Variants in SAMD5 observed in about 807,000 individuals in gnomAD.
SAMD5 encodes sterile alpha motif domain containing 5.
In SAMD5, 13 loss-of-function variants were observed where a neutral mutation model predicts 11.3. That is an observed-to-expected ratio of 1.15 (90% CI 0.75 to 1.83). SAMD5 has a LOEUF of 1.83. SAMD5 is among the 40% of genes most tolerant of loss of function. The probability of loss-of-function intolerance (pLI) is 0.00; values close to 1 mark genes in which losing one functional copy is unlikely to be tolerated. For missense variants in SAMD5, 255 were observed against 239.1 expected, an observed-to-expected ratio of 1.07 and a Z score of -0.44; for synonymous variants, 129 against 111.3, an observed-to-expected ratio of 1.16 and a Z score of -1.00.
At chr6:147,772,706 CTCT>C in the SAMD5 span, among the ~76,000 whole-genome samples, 1 of 152,158 alleles carries the variant, frequency 6.6e-6, no homozygotes, top group African/African-American at 2.4e-5. Context: ...TCCAAATTTT[CTCT>C]TCTTACATGG....
At chr6:147,547,533 C>G (rs578216154) in intron 1 of SAMD5, among the ~76,000 whole-genome samples, 2 of 152,342 alleles carry the variant, frequency 1.3e-5, no homozygotes, top group East Asian at 3.9e-4. Flanking sequence ...CTTCCATCTT[C>G]AAACCAGCAA....
chr6:147,904,115 C>G, the SAMD5 span, among the ~76,000 whole-genome samples: 2 of 152,162 alleles, frequency 1.3e-5, no homozygotes, highest in South Asian at 4.1e-4. Flanking sequence ...CTGTCTCATT[C>G]CTGTGGTTCA....
rs138368657 is a variant in SAMD5, at chr6:147,711,674, A to C, written c.163-25643A>C. Among the ~76,000 whole-genome samples the C allele has an allele frequency of 4.7e-3, 711 of 152,316 alleles. 3 individuals are homozygous for C. The highest frequency in any genetic ancestry group is 0.017 in the African/African-American group (687 of 41,578). Reference sequence around the variant, plus strand: ...GTGGTTTGCATTCTTCAAAGGGGTCATTGCTGAATTTGTAATCAGATTGTA... The same window carrying C: ...GTGGTTTGCATTCTTCAAAGGGGTCCTTGCTGAATTTGTAATCAGATTGTA... On this transcript the variant is annotated intron_variant, in intron 1 of 1. Coordinates refer to the SAMD5 transcript ENST00000566741. This position sits in a 1 kb window ranked among gnomAD's most constrained non-coding sequence, Gnocchi z 4.1.
the SAMD5 span, among the ~76,000 whole-genome samples, chr6:147,751,511 G>T: frequency 6.6e-6 from 1 of 152,110 alleles, no homozygotes; most frequent in Non-Finnish European, 1.5e-5. Flanking sequence ...TTTACAACAG[G>T]GATCCAAAAG....
At chr6:147,606,824 G>A (rs73582966) in intron 1 of SAMD5, among the ~76,000 whole-genome samples, 2,341 of 152,128 alleles carry the variant, frequency 0.015, 65 homozygotes, top group African/African-American at 0.052. Flanking sequence ...CTTTTCACAA[G>A]GTCACACATT....
chr6:147,872,645 G>A, the SAMD5 span, among the ~76,000 whole-genome samples: 1 of 152,148 alleles, frequency 6.6e-6, no homozygotes, highest in South Asian at 2.1e-4. Flanking sequence ...AGTGGAGTAT[G>A]GAATGAGTAT....
At chr6:147,620,107 TC>T (rs1789937300) in intron 1 of SAMD5, among the ~76,000 whole-genome samples, 1 of 152,146 alleles carries the variant, frequency 6.6e-6, no homozygotes, top group Non-Finnish European at 1.5e-5. Flanking sequence ...ATGACACTGT[TC>T]TTGGCATCAC....
chr6:147,626,686 G>T (rs1272663775), intron 1 of SAMD5, among the ~76,000 whole-genome samples: 1 of 148,964 alleles, frequency 6.7e-6, no homozygotes, highest in Non-Finnish European at 1.5e-5. Context: ...AATTGTGGTG[G>T]CTCTTCTCTG....
At chr6:147,742,597 G>A in the SAMD5 span, among the ~76,000 whole-genome samples, 1 of 152,148 alleles carries the variant, frequency 6.6e-6, no homozygotes, top group Admixed American at 6.5e-5. Flanking sequence ...ATCTGAGAAA[G>A]CATTAGGTAG....
intron 1 of SAMD5, among the ~76,000 whole-genome samples, chr6:147,693,371 C>T (rs538263384): frequency 6.6e-5 from 10 of 152,270 alleles, no homozygotes; most frequent in East Asian, 1.9e-4. Flanking sequence ...GCTGTCAGGA[C>T]GCTGACAGGG....
At chr6:147,827,794 A>ATT in the SAMD5 span, among the ~76,000 whole-genome samples, 235 of 146,260 alleles carry the variant, frequency 1.6e-3, 1 homozygote, top group African/African-American at 5.1e-3. Flanking sequence ...CTAACATGAC[A>ATT]TTTTTTTTTT....
chr6:147,747,726 C>G, the SAMD5 span, among the ~76,000 whole-genome samples: 3 of 152,090 alleles, frequency 2.0e-5, no homozygotes, highest in African/African-American at 7.2e-5. Flanking sequence ...GTTCCCTAGG[C>G]CGATAAACCT....
At chr6:147,757,310 A>G in the SAMD5 span, among the ~76,000 whole-genome samples, 11 of 152,144 alleles carry the variant, frequency 7.2e-5, no homozygotes, top group Non-Finnish European at 1.0e-4. Flanking sequence ...TTTGCTGCCA[A>G]TGGCTGCAAG....
intron 1 of SAMD5, among the ~76,000 whole-genome samples, chr6:147,595,252 A>C (rs1009934443): frequency 2.0e-5 from 3 of 152,240 alleles, no homozygotes; most frequent in Admixed American, 6.5e-5. Flanking sequence ...AATGACAATA[A>C]TAAGCATTGC....
the SAMD5 span, among the ~76,000 whole-genome samples, chr6:147,776,537 C>T: frequency 6.6e-6 from 1 of 152,190 alleles, no homozygotes; most frequent in Non-Finnish European, 1.5e-5. Context: ...AAATGTGTTT[C>T]TCTCTTCACA....
chr6:147,605,077 T>C (rs918162413), intron 1 of SAMD5, among the ~76,000 whole-genome samples: 8 of 152,210 alleles, frequency 5.3e-5, no homozygotes, highest in African/African-American at 1.9e-4. Flanking sequence ...CTTTCAGTAC[T>C]AGTTCAATGT....
At chr6:147,913,842 T>C in the SAMD5 span, among the ~76,000 whole-genome samples, 2 of 152,244 alleles carry the variant, frequency 1.3e-5, no homozygotes, top group East Asian at 3.9e-4. Flanking sequence ...TTCACATACG[T>C]GTGTGCATGT....
At chr6:147,724,641 G>A (rs1019503294) in intron 1 of SAMD5, among the ~76,000 whole-genome samples, 9 of 152,198 alleles carry the variant, frequency 5.9e-5, no homozygotes, top group Admixed American at 5.2e-4. Flanking sequence ...TGCTGGAGTA[G>A]TGAGCCGTGA....
chr6:147,830,493 A>G, the SAMD5 span, among the ~76,000 whole-genome samples: 1 of 151,354 alleles, frequency 6.6e-6, no homozygotes, highest in African/African-American at 2.4e-5. Context: ...CTGACCTCAA[A>G]TGATCCGCCG....
Sources: gnomAD v4.1 joint callset for allele counts (sites outside exome capture counted in the v4.1 genomes callset) on GRCh38, gnomAD v4.1.1 for gene constraint, Gnocchi (gnomAD v3.1) non-coding constraint, MANE v1.5 for transcripts, NCBI Gene and HGNC (gene_info 2026-07-23, HGNC 2026-07-21) for gene names.